HTR1F: variants seen among roughly 807,000 people sequenced by gnomAD.
HTR1F encodes the protein 5-hydroxytryptamine receptor 1F, also known as 5-hydroxytryptamine (serotonin) receptor 1F, G protein-coupled.
A neutral mutation model predicts 24.0 loss-of-function variants in HTR1F; 17 were observed. The observed-to-expected ratio is 0.71, with a 90% CI of 0.48 to 1.06. The LOEUF is 1.06. Ranked by LOEUF, HTR1F falls within the 50% of genes least tolerant of loss-of-function variation. The pLI is 0.00. For synonymous variants in HTR1F, 186 were observed against 156.8 expected (o/e 1.19, Z -1.39); for missense variants, 391 against 427.8 (o/e 0.91, Z 0.76).
chr3:87,856,635 A>G (rs1238140163), intron 2 of HTR1F, among the ~76,000 whole-genome samples: 1 of 152,190 alleles, frequency 6.6e-6, no homozygotes, highest in Non-Finnish European at 1.5e-5. Flanking sequence ...TTCCAACAGT[A>G]CAGAGGAAGA....
chr3:87,907,883 G>A (rs1703700698), intron 2 of HTR1F, among the ~76,000 whole-genome samples: 1 of 151,844 alleles, frequency 6.6e-6, no homozygotes, highest in African/African-American at 2.4e-5. Context: ...AAAGAAAGAG[G>A]CATCAGCAGA....
chr3:87,846,070 G>A (rs1277320260), intron 2 of HTR1F, among the ~76,000 whole-genome samples: 3 of 151,822 alleles, frequency 2.0e-5, no homozygotes, highest in Admixed American at 1.3e-4. Flanking sequence ...CTACTCAGGT[G>A]GATCTGAGAT....
chr3:87,842,694 A>G lies in HTR1F; in HGVS notation c.-43+20570A>G, dbSNP rs146258938. Among the ~76,000 whole-genome samples, 100 of 152,078 alleles carry G rather than the reference A, an allele frequency of 6.6e-4. 1 individual carries two copies. The highest frequency in any genetic ancestry group is 3.4e-3 in the Middle Eastern group (1 of 294). On this transcript the variant is annotated intron_variant, in intron 2 of 2. Transcript: ENST00000319595. The stretch of plus-strand genomic sequence containing the variant: ...AATTTCTAATGTAAAACAGTATCCA[A>G]ATTTCTGGAGGAGAAACAAGAGACT...
chr3:87,884,466 A>T (rs9881790), intron 2 of HTR1F, among the ~76,000 whole-genome samples: 9,946 of 152,288 alleles, frequency 0.065, 441 homozygotes, highest in Non-Finnish European at 0.1. Flanking sequence ...ACCAGCTAAC[A>T]TCATAATGAC....
At chr3:87,797,055 G>A (rs1703917247) in intron 1 of HTR1F, among the ~76,000 whole-genome samples, 2 of 152,134 alleles carry the variant, frequency 1.3e-5, no homozygotes, top group African/African-American at 2.4e-5. Context: ...GTCTAAAAAT[G>A]TTAAATGGAA....
intron 2 of HTR1F, among the ~76,000 whole-genome samples, chr3:87,844,934 A>G (rs559332244): frequency 3.3e-5 from 5 of 149,496 alleles, no homozygotes; most frequent in Non-Finnish European, 7.4e-5. Context: ...TGGTTACTGT[A>G]GCCTTGTAGT....
intron 2 of HTR1F, among the ~76,000 whole-genome samples, chr3:87,929,069 G>C: frequency 6.6e-6 from 1 of 152,178 alleles, no homozygotes; most frequent in East Asian, 1.9e-4. Flanking sequence ...TATAAAGTAT[G>C]ACAGATTTAC....
At chr3:87,901,652 T>C (rs1706325907) in intron 2 of HTR1F, among the ~76,000 whole-genome samples, 1 of 152,098 alleles carries the variant, frequency 6.6e-6, no homozygotes, top group Admixed American at 6.6e-5. Context: ...CTTAAGCGAT[T>C]ATGTGTTAGA....
chr3:87,878,415 C>T (rs554451370), intron 2 of HTR1F, among the ~76,000 whole-genome samples: 6 of 152,188 alleles, frequency 3.9e-5, no homozygotes, highest in Admixed American at 1.3e-4. Flanking sequence ...ACAGAAATAT[C>T]GATAAAAATG....
At chr3:87,840,379 A>G (rs1181517203) in intron 2 of HTR1F, among the ~76,000 whole-genome samples, 1 of 152,202 alleles carries the variant, frequency 6.6e-6, no homozygotes, top group Non-Finnish European at 1.5e-5. Flanking sequence ...ACGATGAGAC[A>G]TCACCTCACA....
intron 2 of HTR1F, among the ~76,000 whole-genome samples, chr3:87,938,500 A>T (rs1704482782): frequency 6.6e-6 from 1 of 152,180 alleles, no homozygotes; most frequent in Admixed American, 6.5e-5. Flanking sequence ...AAGCAAAAAG[A>T]CCAAAGCAAG....
At chr3:87,943,978 T>G (rs1429619916) in intron 2 of HTR1F, among the ~76,000 whole-genome samples, 1 of 152,212 alleles carries the variant, frequency 6.6e-6, no homozygotes, top group African/African-American at 2.4e-5. Context: ...CATTTTCCGA[T>G]GAGCATTAGT....
chr3:87,850,818 A>G (rs1303055361), intron 2 of HTR1F, among the ~76,000 whole-genome samples: 2 of 149,398 alleles, frequency 1.3e-5, no homozygotes, highest in Non-Finnish European at 3.0e-5. Flanking sequence ...AACAACAACA[A>G]AAAAAAAAAC....
intron 2 of HTR1F, among the ~76,000 whole-genome samples, chr3:87,901,778 T>A (rs1166826466): frequency 6.6e-6 from 1 of 152,158 alleles, no homozygotes; most frequent in Non-Finnish European, 1.5e-5. Context: ...ATATCTAGTT[T>A]CCTCTATCAT....
chr3:87,971,782 C>G (rs74683293), intron 2 of HTR1F, among the ~76,000 whole-genome samples: 150 of 152,208 alleles, frequency 9.9e-4, no homozygotes, highest in African/African-American at 3.6e-3. Context: ...CACTTTTCAG[C>G]ACTCATTTTC....
Position 87,817,258 on chromosome 3 carries a change from T to C in HTR1F, c.-159-4750T>C, listed in dbSNP as rs182628333. On this transcript the variant is annotated intron_variant, in intron 1 of 2. Coordinates refer to ENST00000319595, the MANE Select transcript of HTR1F (RefSeq NM_001322209.2). ...GGGAGACAGATACTCCGTTTGGCAA[T>C]GCATTTTAAACCATCTTAGTTGACA... Among the ~76,000 whole-genome samples, 650 of 152,314 alleles carry C rather than the reference T, an allele frequency of 4.3e-3. 6 individuals carry two copies. The highest frequency in any genetic ancestry group is 7.1e-3 in the Non-Finnish European group (484 of 67,990).
chr3:87,990,683 T>A, intron 2 of HTR1F, 25 bp from the exon 3 acceptor site: 1 of 1,218,910 alleles, frequency 8.2e-7, no homozygotes, highest in Non-Finnish European at 1.2e-6. Flanking sequence ...TTCTCTGAAC[T>A]GTTTTTTCTC....
In HTR1F at chr3:87,859,674, G is replaced by A. The variant is rs111830118; in HGVS notation, c.-43+37550G>A. ...AGAAGCATGAGGTTTCCTAGGCAGAGCCTGTGTGCTCTCCACAGTGGCTCA... is the reference window on the plus strand; with the variant it reads ...AGAAGCATGAGGTTTCCTAGGCAGAACCTGTGTGCTCTCCACAGTGGCTCA... On this transcript the variant is annotated intron_variant, in intron 2 of 2. Coordinates refer to ENST00000319595, the MANE Select transcript of HTR1F (RefSeq NM_001322209.2). Among the ~76,000 whole-genome samples, 564 of 152,324 alleles carry A rather than the reference G, an allele frequency of 3.7e-3. 4 individuals carry two copies. The highest frequency in any genetic ancestry group is 0.013 in the African/African-American group (540 of 41,570).
At chr3:87,917,908 A>ACCTAATAC (rs1703930518) in intron 2 of HTR1F, among the ~76,000 whole-genome samples, 1 of 152,038 alleles carries the variant, frequency 6.6e-6, no homozygotes, top group African/African-American at 2.4e-5. Flanking sequence ...CCAGTAAAGG[A>ACCTAATAC]CATAACCAAA....
Sources: allele counts gnomAD v4.1 joint callset (sites outside exome capture counted in the v4.1 genomes callset), GRCh38; gene constraint gnomAD v4.1.1; transcripts MANE v1.5; gene names NCBI Gene and HGNC (gene_info 2026-07-23, HGNC 2026-07-21).